The following SCMH1 variants were observed in gnomAD, a reference collection of about 807,000 sequenced individuals.
SCMH1 encodes the protein polycomb protein SCMH1.
Under a neutral mutation model 70.8 loss-of-function variants are expected in SCMH1, and 37 were observed. The observed-to-expected ratio is 0.52, with a 90% CI of 0.40 to 0.69. SCMH1 has a LOEUF of 0.69. Among genes scored for constraint, SCMH1 ranks in the 30% least tolerant of loss-of-function variants. The pLI, the probability that SCMH1 is intolerant of heterozygous loss-of-function variation, is 0.00. For missense variants in SCMH1, 607 were observed against 827.3 expected, an observed-to-expected ratio of 0.73 and a Z score of 3.27; for synonymous variants, 292 against 307.4, an observed-to-expected ratio of 0.95 and a Z score of 0.52.
rs554829793 is a variant in SCMH1, at chr1:41,091,715, T to A, written c.746-16264A>T. Among the ~76,000 whole-genome samples, 158 of 152,248 alleles carry A rather than the reference T, an allele frequency of 1.0e-3. 1 individual carries two copies. Among genetic ancestry groups the A allele is most frequent in the African/African-American group, 3.7e-3 (154 of 41,534 alleles). On this transcript the variant is annotated intron_variant, in intron 8 of 14. Coordinates refer to ENST00000337495, the Ensembl canonical transcript of SCMH1. ...CAGGATACAAAATCACAAGCATTCC[T>A]ATACACCAATAACAGACAAACAGAG... is the stretch of plus-strand genomic sequence containing the variant.
intron 8 of SCMH1, among the ~76,000 whole-genome samples, chr1:41,085,271 A>C (rs1353979322): frequency 6.6e-6 from 1 of 152,056 alleles, no homozygotes; most frequent in African/African-American, 2.4e-5. Flanking sequence ...CCTTATTAAT[A>C]GGTCTAAGAA....
At chr1:41,075,690 A>C (rs188635898) in intron 8 of SCMH1, among the ~76,000 whole-genome samples, 1 of 152,336 alleles carries the variant, frequency 6.6e-6, no homozygotes, top group African/African-American at 2.4e-5. Flanking sequence ...TTTCTTCCTA[A>C]GGCACCTTAG....
chr1:41,141,673 A>G, intron 6 of SCMH1, among the ~76,000 whole-genome samples: 1 of 152,218 alleles, frequency 6.6e-6, no homozygotes, highest in Admixed American at 6.5e-5. Context: ...TTTAAAAGAC[A>G]AATGACTTAG....
intron 10 of SCMH1, among the ~76,000 whole-genome samples, chr1:41,065,014 A>G (rs1654086822): frequency 6.6e-6 from 1 of 152,256 alleles, no homozygotes. Context: ...TAACATTTAT[A>G]TGAGGAAAAC....
chr1:41,083,660 A>G (rs1031181421), intron 8 of SCMH1, among the ~76,000 whole-genome samples: 1 of 152,208 alleles, frequency 6.6e-6, no homozygotes, highest in African/African-American at 2.4e-5. Context: ...AAGAGCCCGC[A>G]TCGCCAAGTC....
chr1:41,223,502 C>T (rs1485311171), intron 1 of SCMH1, among the ~76,000 whole-genome samples: 2 of 151,048 alleles, frequency 1.3e-5, no homozygotes, highest in Non-Finnish European at 1.5e-5. Context: ...GTGTGAGAGT[C>T]GTAATTTTAT....
intron 1 of SCMH1, among the ~76,000 whole-genome samples, chr1:41,235,063 GT>G (rs1420485974): frequency 1.3e-5 from 2 of 152,226 alleles, no homozygotes; most frequent in African/African-American, 4.8e-5. Context: ...ACAGGTGTGA[GT>G]TACCATGCCC....
At chr1:41,093,515 TATA>T (rs958310360) in intron 8 of SCMH1, among the ~76,000 whole-genome samples, 3 of 152,260 alleles carry the variant, frequency 2.0e-5, no homozygotes, top group African/African-American at 7.2e-5. Context: ...GAACTTAAAG[TATA>T]ATAATAATAA....
At chr1:41,237,454 C>T (rs1274738837) in intron 1 of SCMH1, among the ~76,000 whole-genome samples, 2 of 152,184 alleles carry the variant, frequency 1.3e-5, no homozygotes, top group African/African-American at 4.8e-5. Context: ...TGAATTGATG[C>T]CTATACATTT....
rs183259892 is a variant in SCMH1, at chr1:41,101,491, G to C, written c.745+11792C>G. On this transcript the variant is annotated intron_variant, in intron 8 of 14. Transcript: ENST00000337495. ...TTTTAGATGGGAGAGAAATGGTAAA[G>C]AGTAACTCTGAAGTCTGTATTTATT... is the stretch of plus-strand genomic sequence containing the variant. Among the ~76,000 whole-genome samples, 176 of 152,338 alleles carry C rather than the reference G, an allele frequency of 1.2e-3. 1 individual carries two copies. The highest frequency in any genetic ancestry group is 3.8e-3 in the African/African-American group (158 of 41,582).
In SCMH1 at chr1:41,130,491, C is replaced by T. The variant is rs903091513; in HGVS notation, c.412+12387G>A. Among the ~76,000 whole-genome samples the T allele has an allele frequency of 7.2e-5, 11 of 152,010 alleles. No homozygotes were observed. In the South Asian group the frequency reaches 1.7e-3, roughly 23 times the overall value. On this transcript the variant is annotated intron_variant, in intron 6 of 14. Transcript: ENST00000337495. ...CTTCTAAGAGTTTTATGGATTTAGA[C>T]CCCACATTCAGGCCTTTGATACATT...
exon 15 of SCMH1, chr1:41,027,878 T>A: frequency 3.2e-6 from 1 of 313,444 alleles, no homozygotes; most frequent in South Asian, 6.5e-5. Flanking sequence ...TTTTCCTCCA[T>A]CACGTGGAAG....
intron 1 of SCMH1, among the ~76,000 whole-genome samples, chr1:41,217,960 T>G (rs1658457996): frequency 6.6e-6 from 1 of 152,220 alleles, no homozygotes. Context: ...TATGCCTATC[T>G]TACCATTGTA....
chr1:41,071,367 T>C (rs1273813600), intron 9 of SCMH1, among the ~76,000 whole-genome samples: 6 of 152,204 alleles, frequency 3.9e-5, no homozygotes, highest in African/African-American at 1.4e-4. Context: ...CATTGTCTCT[T>C]TTATGTTACC....
chr1:41,095,994 T>C (rs1360760439), intron 8 of SCMH1, among the ~76,000 whole-genome samples: 1 of 152,108 alleles, frequency 6.6e-6, no homozygotes, highest in Non-Finnish European at 1.5e-5. Flanking sequence ...TAGCATACAG[T>C]AAAATATACA....
chr1:41,151,797 A>G, intron 4 of SCMH1, 113 bp from the exon 5 acceptor site: 1 of 629,802 alleles, frequency 1.6e-6, no homozygotes, highest in East Asian at 3.0e-5. Flanking sequence ...AGCATAAAAA[A>G]TATAATTTTT....
intron 4 of SCMH1, chr1:41,159,763 T>A: frequency 6.5e-7 from 1 of 1,526,922 alleles, no homozygotes; most frequent in African/African-American, 1.4e-5. Context: ...CAGCTCACAT[T>A]CATAGAATGC....
chr1:41,147,524 G>A (rs1644695172), intron 5 of SCMH1, among the ~76,000 whole-genome samples: 2 of 152,084 alleles, frequency 1.3e-5, no homozygotes, highest in Admixed American at 1.3e-4. Flanking sequence ...ACATATGTTG[G>A]ACAGTATTCT....
intron 1 of SCMH1, among the ~76,000 whole-genome samples, chr1:41,238,546 T>A (rs956690783): frequency 6.6e-6 from 1 of 152,170 alleles, no homozygotes; most frequent in African/African-American, 2.4e-5. Context: ...ACCCTCCTGA[T>A]TAATCCCCTA....
Sources: allele counts gnomAD v4.1 joint callset (sites outside exome capture counted in the v4.1 genomes callset), GRCh38; gene constraint gnomAD v4.1.1; transcripts MANE v1.5; gene names NCBI Gene and HGNC (gene_info 2026-07-23, HGNC 2026-07-21).